BTBD19: variants seen among roughly 807,000 people sequenced by gnomAD.
The protein encoded by BTBD19 is BTB/POZ domain-containing protein 19.
BTBD19 carries 20 observed loss-of-function variants against 36.1 expected under a neutral mutation model. The observed-to-expected ratio is 0.55, with a 90% confidence interval of 0.39 to 0.80. BTBD19 has a LOEUF of 0.80. Ranked by LOEUF, BTBD19 falls within the 30% of genes least tolerant of loss-of-function variation. The probability of loss-of-function intolerance (pLI) is 0.00; values close to 1 mark genes in which losing one functional copy is unlikely to be tolerated. For synonymous variants in BTBD19, 157 were observed against 174.3 expected, an observed-to-expected ratio of 0.90 and a Z score of 0.78; for missense variants, 325 against 389.8, an observed-to-expected ratio of 0.83 and a Z score of 1.40.
At position 44,813,131 on chromosome 1, in the gene BTBD19, C is replaced by T; in HGVS notation, c.484-7C>T. 1.9e-6 allele frequency: 3 copies of T among 1,542,234 alleles called. No individual in the cohort carries two copies. The highest frequency in any genetic ancestry group is 2.6e-6 in the Non-Finnish European group (3 of 1,142,628). ...TGCTCCTCCCTGACCCATTTGCCGG[C>T]TCGCAGGAGGCCCTCCGGACCCGAG... On this transcript the variant is annotated splice_region_variant and splice_polypyrimidine_tract_variant and intron_variant, in intron 5 of 7. Transcript: ENST00000450269. This position sits in a 1 kb window ranked among gnomAD's most constrained non-coding sequence, Gnocchi z 7.8.
chr1:44,812,213 G>A, intron 4 of BTBD19, 115 bp downstream of exon 4: 1 of 729,658 alleles, frequency 1.4e-6, no homozygotes, highest in East Asian at 6.5e-5. Context: ...TGGGTACATG[G>A]TGGTGGTGGG....
chr1:44,810,147 G>T lies in BTBD19; in HGVS notation c.87-66G>T. ...AAACTAAGACCCAGAGTGGGCAAAG[G>T]CACAGCCCAAGTTGCACTCCGGGTG... On this transcript the variant is annotated intron_variant, in intron 1 of 7. Coordinates refer to ENST00000450269, the Ensembl canonical transcript of BTBD19. This position sits in a 1 kb window ranked among gnomAD's most constrained non-coding sequence, Gnocchi z 4.2. The T allele has an allele frequency of 7.2e-7, 1 of 1,396,234 alleles. No individual in the cohort carries two copies. The highest frequency in any genetic ancestry group is 9.9e-7 in the Non-Finnish European group (1 of 1,012,542). The allele number at this position is 1,396,234 out of a possible 1,614,324, so 86.5% of individuals were successfully genotyped here. A position where few individuals can be genotyped will look rare whatever the true frequency, so the allele number is the denominator to read the frequency against.
rs1652331589 is a variant in BTBD19, at chr1:44,810,178, C to T, written c.87-35C>T. On this transcript the variant is annotated intron_variant, in intron 1 of 7. Transcript: ENST00000450269. This position sits in a 1 kb window ranked among gnomAD's most constrained non-coding sequence, Gnocchi z 4.2. The stretch of plus-strand genomic sequence containing the variant: ...CCCAAGTTGCACTCCGGGTGCTGGC[C>T]TCCTCCCCGCTGCCTCTCTGCCTGT... 2.6e-6 allele frequency: 4 copies of T among 1,524,898 alleles called. No homozygotes were observed. The highest frequency in any genetic ancestry group is 3.6e-6 in the Non-Finnish European group (4 of 1,124,296). 94.5% of individuals were successfully genotyped at this position (1,524,898 alleles called of 1,614,324 possible). A position where few individuals can be genotyped will look rare whatever the true frequency, so the allele number is the denominator to read the frequency against.
At position 44,812,029 on chromosome 1, in the gene BTBD19, CT is replaced by C; in HGVS notation, c.355-9del. ...ACCGCCACCCAACCCACATTCATTTCTGTTCCCAGCTGTGCCTGCAGTTTGT... is the reference window on the plus strand; with the variant it reads ...ACCGCCACCCAACCCACATTCATTTCGTTCCCAGCTGTGCCTGCAGTTTGT... On this transcript the variant is annotated splice_polypyrimidine_tract_variant and intron_variant, in intron 3 of 7. Coordinates refer to ENST00000450269, the Ensembl canonical transcript of BTBD19. 1 of 1,305,040 alleles carries C rather than the reference CT, an allele frequency of 7.7e-7. No homozygotes were observed. Among genetic ancestry groups the C allele is most frequent in the Non-Finnish European group, 1.0e-6 (1 of 988,592 alleles). 80.8% of individuals were successfully genotyped at this position (1,305,040 alleles called of 1,614,324 possible). A position where few individuals can be genotyped will look rare whatever the true frequency, so the allele number is the denominator to read the frequency against.
rs370497052 is a variant in BTBD19, at chr1:44,813,411, C to T, written c.653C>T (p.Pro218Leu). The T allele has an allele frequency of 8.1e-5, 125 of 1,541,376 alleles. 1 individual carries two copies. Among genetic ancestry groups the T allele is most frequent in the Non-Finnish European group, 9.7e-5 (111 of 1,146,498 alleles). Residue 218 changes from proline (P) to leucine (L), a missense_variant, in exon 7 of 8, where the codon CCG (proline) becomes CTG (leucine). Pro to Leu is a moderately conservative substitution (Grantham distance 98). Transcript: ENST00000450269. This position sits in a 1 kb window ranked among gnomAD's most constrained non-coding sequence, Gnocchi z 7.8. ...CGGCCGGTGGCTGAGGTGGCGGCCC[C>T]GGTGGTGAAAGAGCTGAGACTAGCC...
exon 1 of BTBD19, chr1:44,808,607 G>C: frequency 2.4e-6 from 1 of 414,092 alleles, no homozygotes; most frequent in Admixed American, 4.2e-5. Context: ...GCTTCTCCTG[G>C]CCCCCTCCCT....
Position 44,813,541 on chromosome 1 carries a change from G to A in BTBD19, c.741+42G>A. On this transcript the variant is annotated intron_variant, in intron 7 of 7. Transcript: ENST00000450269. This position sits in a 1 kb window ranked among gnomAD's most constrained non-coding sequence, Gnocchi z 7.8. ...CCGGCCCAGCTCCACTCAGCAGGGG[G>A]TACAGGGCGCTGGGAGGGGGCAGGA... The A allele has an allele frequency of 5.2e-6, 8 of 1,541,282 alleles. No homozygotes were observed. Among genetic ancestry groups the A allele is most frequent in the Non-Finnish European group, 7.0e-6 (8 of 1,140,436 alleles).
chr1:44,812,885 T>A, intron 4 of BTBD19, 111 bp from the exon 5 acceptor site: 1 of 1,005,846 alleles, frequency 9.9e-7, no homozygotes, highest in Non-Finnish European at 1.4e-6. Context: ...GAGGGCCCTG[T>A]CAGCCTCCCC....
At chr1:44,808,995 A>G (rs1573621675) in intron 1 of BTBD19, 89 bp downstream of exon 1, 1 of 1,162,326 alleles carries the variant, frequency 8.6e-7, no homozygotes, top group Non-Finnish European at 1.2e-6. Context: ...AGAGGCTGGG[A>G]ATTAGAACTT....
At chr1:44,809,317 C>T (rs1172316573) in intron 1 of BTBD19, among the ~76,000 whole-genome samples, 1 of 152,198 alleles carries the variant, frequency 6.6e-6, no homozygotes, top group Non-Finnish European at 1.5e-5. Context: ...TGAGGCTTCA[C>T]AAGAAGAACA....
chr1:44,814,553 CT>C (rs71674935), downstream of BTBD19: 177 of 122,368 alleles, frequency 1.4e-3, 1 homozygote, highest in Admixed American at 4.5e-3. Context: ...CCGCCTCGGC[CT>C]TTTTTTTTTT....
At chr1:44,812,900 A>G in intron 4 of BTBD19, 96 bp from the exon 5 acceptor site, 1 of 1,186,090 alleles carries the variant, frequency 8.4e-7, no homozygotes, top group Non-Finnish European at 1.2e-6. Context: ...CTCCCCAGCT[A>G]GGGCTAGGGT....
exon 8 of BTBD19, chr1:44,814,049 T>G (rs1557635050): frequency 7.0e-6 from 4 of 568,492 alleles, no homozygotes; most frequent in Non-Finnish European, 9.4e-6. Flanking sequence ...ACCCTGACTC[T>G]ACGCCCTGCC....
In BTBD19 at chr1:44,810,081, T is replaced by G; in HGVS notation, c.87-132T>G. The stretch of plus-strand genomic sequence containing the variant: ...TCAGGGCTTTGGGTCCCAGACCTTC[T>G]GCTGGAGGGACGAAGCCCTGTCTCT... On this transcript the variant is annotated intron_variant, in intron 1 of 7. Coordinates refer to ENST00000450269, the Ensembl canonical transcript of BTBD19. This position sits in a 1 kb window ranked among gnomAD's most constrained non-coding sequence, Gnocchi z 4.2. 2 of 804,728 alleles carry G rather than the reference T, an allele frequency of 2.5e-6. No individual in the cohort carries two copies. Among genetic ancestry groups the G allele is most frequent in the Non-Finnish European group, 4.0e-6 (2 of 498,076 alleles). The allele number at this position is 804,728 out of a possible 1,614,324, so 49.8% of individuals were successfully genotyped here. A position where few individuals can be genotyped will look rare whatever the true frequency, so the allele number is the denominator to read the frequency against.
chr1:44,812,506 C>T, intron 4 of BTBD19: 1 of 453,346 alleles, frequency 2.2e-6, no homozygotes, highest in South Asian at 1.6e-5. Context: ...GAGATCGAGA[C>T]CATCCTGGCT....
At chr1:44,808,650 T>C in exon 1 of BTBD19, 1 of 476,066 alleles carries the variant, frequency 2.1e-6, no homozygotes, top group Admixed American at 3.8e-5. Flanking sequence ...CTCTGGCCTC[T>C]GATGCCTTCA....
intron 1 of BTBD19, among the ~76,000 whole-genome samples, 198 bp downstream of exon 1, chr1:44,809,104 G>T (rs566844729): frequency 6.6e-6 from 1 of 152,288 alleles, no homozygotes; most frequent in African/African-American, 2.4e-5. Context: ...CCAGAGGCAA[G>T]GCTGGCGGGG....
Position 44,813,754 on chromosome 1 carries a change from G to C in BTBD19, c.858G>C (p.Leu286=), listed in dbSNP as rs1349359918. ...TGCCCCGGGAGCATCACCGCTTTCT[G>C]GACCTGTCCTTCAAATGATCCAACG... The change falls in exon 8 of 8, where the codon CTG becomes CTC. Residue 286 remains leucine (L), a synonymous_variant. Transcript: ENST00000450269. This position sits in a 1 kb window ranked among gnomAD's most constrained non-coding sequence, Gnocchi z 7.8. 8 of 1,551,542 alleles carry C rather than the reference G, an allele frequency of 5.2e-6. No homozygotes were observed. The highest frequency in any genetic ancestry group is 7.0e-6 in the Non-Finnish European group (8 of 1,146,860).
chr1:44,814,860 CCTT>C (rs1055556237), downstream of BTBD19: 2 of 152,220 alleles, frequency 1.3e-5, no homozygotes, highest in African/African-American at 4.8e-5. Context: ...GGCCTCAGCT[CCTT>C]CTTTCATTCC....
Sources: allele counts gnomAD v4.1 joint callset (sites outside exome capture counted in the v4.1 genomes callset), GRCh38; gene constraint gnomAD v4.1.1; non-coding constraint Gnocchi (gnomAD v3.1); transcripts MANE v1.5; gene names NCBI Gene and HGNC (gene_info 2026-07-23, HGNC 2026-07-21).